The following CACNA1C variants were observed in gnomAD, a reference collection of about 807,000 sequenced individuals.
CACNA1C encodes calcium voltage-gated channel subunit alpha1 C, also known as voltage-dependent L-type calcium channel subunit alpha-1C.
Under a neutral mutation model 229.0 loss-of-function variants are expected in CACNA1C, and 30 were observed. That is an observed-to-expected ratio of 0.13 (90% CI 0.10 to 0.18). The LOEUF is 0.18. Ranked by LOEUF, CACNA1C falls within the 10% of genes least tolerant of loss-of-function variation. The pLI, the probability that CACNA1C is intolerant of heterozygous loss-of-function variation, is 1.00. For missense variants in CACNA1C, 1,658 were observed against 2,845.0 expected, an observed-to-expected ratio of 0.58 and a Z score of 9.49; for synonymous variants, 1,114 against 1,132.5, an observed-to-expected ratio of 0.98 and a Z score of 0.33.
At chr12:2,426,740 T>C (rs1284635667) in intron 3 of CACNA1C, among the ~76,000 whole-genome samples, 1 of 152,180 alleles carries the variant, frequency 6.6e-6, no homozygotes, top group African/African-American at 2.4e-5. Flanking sequence ...TGTCAGCTGG[T>C]GGTTTGCTAG....
intron 7 of CACNA1C, among the ~76,000 whole-genome samples, chr12:2,499,133 C>G (rs2099753265): frequency 6.6e-6 from 1 of 152,112 alleles, no homozygotes; most frequent in Non-Finnish European, 1.5e-5. Context: ...ACTTCCTGCT[C>G]ACTTGGTGCT....
intron 7 of CACNA1C, among the ~76,000 whole-genome samples, chr12:2,501,967 C>G (rs2099761465): frequency 6.6e-6 from 1 of 152,272 alleles, no homozygotes; most frequent in Non-Finnish European, 1.5e-5. Context: ...TGCAAACCTC[C>G]ATTGCTATCA....
intron 3 of CACNA1C, among the ~76,000 whole-genome samples, chr12:2,155,813 A>G (rs2095653625): frequency 6.6e-6 from 1 of 151,968 alleles, no homozygotes; most frequent in African/African-American, 2.4e-5. Flanking sequence ...TGCTTTTCTC[A>G]TGTTTTCCAG....
intron 3 of CACNA1C, among the ~76,000 whole-genome samples, chr12:2,250,660 C>T (rs188676911): frequency 6.6e-6 from 1 of 152,318 alleles, no homozygotes; most frequent in East Asian, 1.9e-4. Flanking sequence ...AGTGACCTCC[C>T]AACCCCAGCC....
intron 5 of CACNA1C, among the ~76,000 whole-genome samples, chr12:2,461,949 C>G (rs1156632415): frequency 6.6e-6 from 1 of 152,186 alleles, no homozygotes; most frequent in East Asian, 1.9e-4. Flanking sequence ...CTCTGAACAG[C>G]CAAGTCGGAT....
At chr12:2,012,640 G>A (rs994058277) in intron 1 of CACNA1C, among the ~76,000 whole-genome samples, 2 of 152,110 alleles carry the variant, frequency 1.3e-5, no homozygotes, top group African/African-American at 4.8e-5. Flanking sequence ...TATTCTCAAG[G>A]AATTTAAAAT....
intron 3 of CACNA1C, among the ~76,000 whole-genome samples, chr12:2,358,803 G>A (rs149301282): frequency 1.4e-4 from 22 of 152,166 alleles, no homozygotes; most frequent in Non-Finnish European, 2.8e-4. Flanking sequence ...TTCCAGCAAA[G>A]CCTACAGTCA....
chr12:2,361,313 C>T (rs2097551199), intron 3 of CACNA1C, among the ~76,000 whole-genome samples: 1 of 152,122 alleles, frequency 6.6e-6, no homozygotes, highest in Non-Finnish European at 1.5e-5. Context: ...TCCTTAGTAA[C>T]TAAACCTGAT....
In CACNA1C at chr12:2,115,390, C is replaced by T. The variant is rs1253545025; in HGVS notation, c.216C>T (p.Thr72=). ...TGATGGGCAGCGCTGGCAATGCGAC[C>T]ATCTCCACAGTCAGCTCCACGCAGC... The part of the protein sequence containing the change: ...AKLMGSAGNA[T]ISTVSSTQRK... The change falls in exon 2 of 47, where the codon ACC becomes ACT. Residue 72 remains threonine (T), a synonymous_variant. Coordinates refer to ENST00000399655, the MANE Select transcript of CACNA1C (RefSeq NM_000719.7). 6.2e-7 allele frequency: 1 copy of T among 1,610,598 alleles called. No homozygotes were observed. The highest frequency in any genetic ancestry group is 2.2e-5 in the East Asian group (1 of 44,840).
intron 9 of CACNA1C, among the ~76,000 whole-genome samples, chr12:2,534,456 C>G (rs2099848455): frequency 6.6e-6 from 1 of 152,192 alleles, no homozygotes; most frequent in Admixed American, 6.5e-5. Flanking sequence ...GCTTCAAGCC[C>G]CTCTCTCTCT....
At chr12:1,994,605 C>G (rs1455303937) in intron 1 of CACNA1C, among the ~76,000 whole-genome samples, 1 of 152,180 alleles carries the variant, frequency 6.6e-6, no homozygotes, top group Non-Finnish European at 1.5e-5. Context: ...TCTTCTGGAA[C>G]TGTCAAGTTC....
intron 3 of CACNA1C, among the ~76,000 whole-genome samples, chr12:2,205,603 G>T (rs974039606): frequency 2.6e-5 from 4 of 152,208 alleles, no homozygotes; most frequent in Non-Finnish European, 4.4e-5. Flanking sequence ...TGCATTGCAA[G>T]TGCTGGCATC....
At chr12:2,222,279 C>T (rs1274044304) in intron 3 of CACNA1C, 2 of 152,146 alleles carry the variant, frequency 1.3e-5, no homozygotes, top group East Asian at 1.9e-4. Context: ...CATAGGACAA[C>T]CATTTGTATT....
chr12:2,173,161 T>C (rs1037580780), intron 3 of CACNA1C, among the ~76,000 whole-genome samples: 2 of 152,022 alleles, frequency 1.3e-5, no homozygotes, highest in African/African-American at 4.8e-5. Flanking sequence ...CTGAGAGATG[T>C]AGTGGGATGA....
chr12:2,643,099 C>T (rs1020685766), intron 30 of CACNA1C, among the ~76,000 whole-genome samples: 6 of 152,320 alleles, frequency 3.9e-5, no homozygotes, highest in African/African-American at 1.4e-4. Flanking sequence ...GCTGCCAGTC[C>T]CCTTGGGGCC....
intron 29 of CACNA1C, among the ~76,000 whole-genome samples, chr12:2,618,288 G>A (rs887211023): frequency 2.6e-5 from 4 of 152,166 alleles, no homozygotes; most frequent in African/African-American, 9.7e-5. Context: ...ACGAACTGTG[G>A]GCCAGGCCTC....
Position 2,540,077 on chromosome 12 carries a change from T to A in CACNA1C, c.1391-9866T>A, listed in dbSNP as rs544356108. Among the ~76,000 whole-genome samples the A allele has an allele frequency of 2.6e-5, 4 of 152,290 alleles. No individual in the cohort carries two copies. In the South Asian group the frequency reaches 8.3e-4, roughly 32 times the overall value. On this transcript the variant is annotated intron_variant, in intron 9 of 46. Coordinates refer to ENST00000399655, the MANE Select transcript of CACNA1C (RefSeq NM_000719.7). ...GCCAGTCTACACCAACCCTGTGTGC[T>A]GCAGTTGGGGAGCGAACGCCCCACC... is the stretch of plus-strand genomic sequence containing the variant.
At chr12:2,056,206 T>C (rs1178509543) in intron 1 of CACNA1C, among the ~76,000 whole-genome samples, 1 of 50,830 alleles carries the variant, frequency 2.0e-5, no homozygotes, top group Admixed American at 1.6e-4. Context: ...AGTGTGTGTG[T>C]GTGTGTGTGT....
intron 1 of CACNA1C, among the ~76,000 whole-genome samples, chr12:2,017,149 G>C (rs1027939251): frequency 6.6e-6 from 1 of 152,198 alleles, no homozygotes; most frequent in Admixed American, 6.5e-5. Context: ...AAATTGGAAA[G>C]GCTGGACACA....
Sources: allele counts gnomAD v4.1 joint callset (sites outside exome capture counted in the v4.1 genomes callset), GRCh38; gene constraint gnomAD v4.1.1; transcripts MANE v1.5; gene names NCBI Gene and HGNC (gene_info 2026-07-23, HGNC 2026-07-21).